The following PPP1R9A variants were observed in gnomAD, a reference collection of about 807,000 sequenced individuals.
The protein encoded by PPP1R9A is protein phosphatase 1 regulatory subunit 9A.
In PPP1R9A, 59 loss-of-function variants were observed where a neutral mutation model predicts 141.9. The ratio of observed to expected loss-of-function variants is 0.42; its 90% CI spans 0.34 to 0.52. PPP1R9A has a LOEUF of 0.52. Ranked by LOEUF, PPP1R9A falls within the 20% of genes least tolerant of loss-of-function variation. PPP1R9A has a pLI of 0.10. For missense variants in PPP1R9A, 1,444 were observed against 1,611.9 expected (o/e 0.90, Z 1.78); for synonymous variants, 500 against 569.7 (o/e 0.88, Z 1.74).
intron 3 of PPP1R9A, among the ~76,000 whole-genome samples, chr7:95,115,575 A>G (rs563396437): frequency 6.6e-6 from 1 of 152,178 alleles, no homozygotes; most frequent in African/African-American, 2.4e-5. Context: ...ACAATTGTGA[A>G]TATATATTTT....
intron 2 of PPP1R9A, among the ~76,000 whole-genome samples, chr7:95,005,931 A>C (rs1331512803): frequency 1.3e-5 from 2 of 152,186 alleles, no homozygotes; most frequent in African/African-American, 4.8e-5. Flanking sequence ...ATTGATGAGA[A>C]GAATCATAGA....
chr7:95,245,833 C>T (rs1034093443), intron 8 of PPP1R9A, among the ~76,000 whole-genome samples: 1 of 152,020 alleles, frequency 6.6e-6, no homozygotes, highest in Non-Finnish European at 1.5e-5. Flanking sequence ...ACATAGGGTC[C>T]TACTCTAGAA....
In PPP1R9A at chr7:95,251,825, T is replaced by C. The variant is rs757696313; in HGVS notation, c.2460T>C (p.Ala820=). ...AGAAAATAGAAGATTTGGAAAAAGC[T>C]CATCTTGTGGAAGTGCAAGGCCTCC... ...ERKKIEDLEK[A]HLVEVQGLQV... is the part of the protein sequence containing the mutation. Residue 820 remains alanine (A), a synonymous_variant, in exon 11 of 20, where the codon GCT becomes GCC. Coordinates refer to ENST00000433360, the MANE Select transcript of PPP1R9A (RefSeq NM_001166160.2). 6.1e-5 allele frequency: 98 copies of C among 1,613,796 alleles called. No homozygotes were observed. The highest frequency in any genetic ancestry group is 7.9e-5 in the Non-Finnish European group (93 of 1,179,912).
intron 2 of PPP1R9A, among the ~76,000 whole-genome samples, chr7:94,980,506 A>G (rs2151317109): frequency 6.6e-6 from 1 of 152,156 alleles, no homozygotes; most frequent in Admixed American, 6.5e-5. Context: ...CGCTCAGGCT[A>G]GAGTGTGGTG....
chr7:94,910,679 A>G lies in PPP1R9A; in HGVS notation c.566A>G (p.Asp189Gly). The G allele has an allele frequency of 1.2e-6, 2 of 1,614,172 alleles. No individual in the cohort carries two copies. Among genetic ancestry groups the G allele is most frequent in the Non-Finnish European group, 1.7e-6 (2 of 1,180,028 alleles). The change falls in exon 2 of 20, where the codon GAC (aspartate) becomes GGC (glycine). Residue 189 changes from aspartate to glycine, a missense_variant. Asp to Gly is a moderately conservative substitution (Grantham distance 94). This residue lies in a region of PPP1R9A where 490 missense variants were observed against 521.1 expected (regional missense o/e 0.94). Transcript: ENST00000433360. This position sits in a 1 kb window ranked among gnomAD's most constrained non-coding sequence, Gnocchi z 4.5. ...KSNRGSTDSL[D>G]SLSSRTEAVS... ...AACAGAGGCAGTACTGATTCCTTGG[A>G]CAGCCTTAGCTCCCGAACTGAGGCT...
intron 4 of PPP1R9A, among the ~76,000 whole-genome samples, chr7:95,129,476 G>A (rs1172233106): frequency 6.6e-6 from 1 of 152,158 alleles, no homozygotes; most frequent in African/African-American, 2.4e-5. Flanking sequence ...AAATTACCCA[G>A]TCTCAGGTAG....
intron 2 of PPP1R9A, among the ~76,000 whole-genome samples, chr7:94,996,652 CAT>C (rs1327169667): frequency 1.3e-5 from 2 of 152,130 alleles, no homozygotes; most frequent in Non-Finnish European, 1.5e-5. Context: ...TCAAAGTACA[CAT>C]ATGTCACTTG....
In PPP1R9A at chr7:95,179,984, C is replaced by A. The variant is rs543355993; in HGVS notation, c.1754+18013C>A. ...TCTCCAAATGCAATGCAATTCCCAT[C>A]AAAATACCACCATCATTCTTCACAG... On this transcript the variant is annotated intron_variant, in intron 5 of 19. Coordinates refer to ENST00000433360, the MANE Select transcript of PPP1R9A (RefSeq NM_001166160.2). Among the ~76,000 whole-genome samples, 20 of 152,198 alleles carry A rather than the reference C, an allele frequency of 1.3e-4. No homozygotes were observed. The East Asian group carries it at 3.7e-3, about 28-fold the overall frequency.
intron 2 of PPP1R9A, among the ~76,000 whole-genome samples, chr7:95,010,813 A>G (rs1804312058): frequency 6.6e-6 from 1 of 152,158 alleles, no homozygotes; most frequent in Non-Finnish European, 1.5e-5. Flanking sequence ...TATAACAGAT[A>G]ATATTTTAAA....
At chr7:95,076,317 A>G (rs1410652061) in intron 2 of PPP1R9A, among the ~76,000 whole-genome samples, 1 of 152,236 alleles carries the variant, frequency 6.6e-6, no homozygotes, top group African/African-American at 2.4e-5. Flanking sequence ...TTCCCTTCAC[A>G]GACTCACATG....
chr7:95,040,722 G>A (rs1232363769), intron 2 of PPP1R9A, among the ~76,000 whole-genome samples: 3 of 152,008 alleles, frequency 2.0e-5, no homozygotes, highest in African/African-American at 7.2e-5. Flanking sequence ...ATTTCACTAG[G>A]CACTTTTCAT....
intron 2 of PPP1R9A, among the ~76,000 whole-genome samples, chr7:94,919,040 G>A (rs1299184324): frequency 6.6e-6 from 1 of 152,208 alleles, no homozygotes; most frequent in Non-Finnish European, 1.5e-5. Context: ...GAGGATGGCT[G>A]AACAACTCCC....
At chr7:95,148,324 A>C (rs573160135) in intron 4 of PPP1R9A, among the ~76,000 whole-genome samples, 30 of 152,290 alleles carry the variant, frequency 2.0e-4, no homozygotes, top group Admixed American at 8.5e-4. Context: ...CTAAGAAAAA[A>C]AGAGAGATGA....
At chr7:94,984,798 A>C (rs1388696467) in intron 2 of PPP1R9A, among the ~76,000 whole-genome samples, 1 of 151,676 alleles carries the variant, frequency 6.6e-6, no homozygotes, top group Admixed American at 6.6e-5. Context: ...GGATTCATTG[A>C]TTTTTTTGAA....
At chr7:94,936,011 A>C (rs1020426072) in intron 2 of PPP1R9A, among the ~76,000 whole-genome samples, 3 of 152,202 alleles carry the variant, frequency 2.0e-5, no homozygotes, top group African/African-American at 7.2e-5. Context: ...GGCTATGTTT[A>C]CATTTGTAAA....
At chr7:95,079,816 T>C (rs1227590671) in intron 2 of PPP1R9A, among the ~76,000 whole-genome samples, 1 of 152,188 alleles carries the variant, frequency 6.6e-6, no homozygotes, top group Non-Finnish European at 1.5e-5. Context: ...ATCCGGCATA[T>C]AAACAGAACC....
At chr7:95,087,426 T>G (rs1354740234) in intron 2 of PPP1R9A, among the ~76,000 whole-genome samples, 1 of 152,084 alleles carries the variant, frequency 6.6e-6, no homozygotes, top group Non-Finnish European at 1.5e-5. Context: ...GTAAATTTTC[T>G]TCATTCACAG....
chr7:95,220,647 G>A (rs1389099381), intron 7 of PPP1R9A, among the ~76,000 whole-genome samples: 1 of 152,098 alleles, frequency 6.6e-6, no homozygotes, highest in East Asian at 1.9e-4. Context: ...TATATGCCAA[G>A]CAATGTACTA....
chr7:95,274,019 C>T, intron 15 of PPP1R9A, 33 bp downstream of exon 15: 1 of 1,498,164 alleles, frequency 6.7e-7, no homozygotes, highest in Middle Eastern at 1.7e-4. Flanking sequence ...AGAAAGCCCT[C>T]TGTAAAAGGA....
Sources: gnomAD v4.1 joint callset for allele counts (sites outside exome capture counted in the v4.1 genomes callset) on GRCh38, gnomAD v4.1.1 for gene constraint, gnomAD v4.1.1 regional missense constraint, Gnocchi (gnomAD v3.1) non-coding constraint, MANE v1.5 for transcripts, NCBI Gene and HGNC (gene_info 2026-07-23, HGNC 2026-07-21) for gene names.